Variants in RTEL1 observed in about 807,000 individuals in gnomAD.
RTEL1 encodes regulator of telomere length.
A neutral mutation model predicts 162.2 loss-of-function variants in RTEL1; 86 were observed. The ratio of observed to expected loss-of-function variants is 0.53; its 90% confidence interval spans 0.45 to 0.63. The LOEUF (loss-of-function observed/expected upper bound fraction) is 0.63. RTEL1 is among the 30% of genes least tolerant of loss of function. The pLI is 0.00. For synonymous variants in RTEL1, 958 were observed against 717.9 expected, an observed-to-expected ratio of 1.33 and a Z score of -5.35; for missense variants, 1,941 against 1,750.2, an observed-to-expected ratio of 1.11 and a Z score of -1.95.
intron 14 of RTEL1, among the ~76,000 whole-genome samples, chr20:63,683,052 C>T (rs1172365280): frequency 6.6e-6 from 1 of 152,194 alleles, no homozygotes; most frequent in Non-Finnish European, 1.5e-5. Context: ...CAGCCTCAAC[C>T]TCCTGGGCCC....
At chr20:63,676,802 GT>G (rs2090360014) in intron 10 of RTEL1, among the ~76,000 whole-genome samples, 1 of 152,126 alleles carries the variant, frequency 6.6e-6, no homozygotes, top group Non-Finnish European at 1.5e-5. Flanking sequence ...AGGTGTGGTG[GT>G]GCATGCTTGT....
At chr20:63,674,228 T>C (rs2090304854) in intron 10 of RTEL1, 135 bp downstream of exon 10, 1 of 1,435,412 alleles carries the variant, frequency 7.0e-7, no homozygotes, top group South Asian at 1.5e-5. Context: ...CCCGTGCTAC[T>C]GCAGTGGGCA....
At chr20:63,678,934 A>G (rs1450404138) in intron 12 of RTEL1, among the ~76,000 whole-genome samples, 1 of 152,060 alleles carries the variant, frequency 6.6e-6, no homozygotes, top group Non-Finnish European at 1.5e-5. Context: ...ACACTCTCCC[A>G]CGCGGGGCCG....
At position 63,693,228 on chromosome 20, in the gene RTEL1, G is replaced by T; in HGVS notation, c.2937G>T (p.Arg979=). 6.2e-7 allele frequency: 1 copy of T among 1,612,098 alleles called. No homozygotes were observed. The highest frequency in any genetic ancestry group is 1.7e-4 in the Middle Eastern group (1 of 6,056). The change falls in exon 30 of 35, where the codon CGG becomes CGT. Residue 979 remains arginine, a synonymous_variant. Coordinates refer to ENST00000360203, the MANE Select transcript of RTEL1 (RefSeq NM_001283009.2). ...IQLTGRGCGY[R]PEHSIPRRQR... is the part of the protein sequence containing the mutation. ...TGACAGGACGAGGCTGTGGCTATCGGCCTGAGCACAGCATTCCCCGAAGGC... is the reference window on the plus strand; with the variant it reads ...TGACAGGACGAGGCTGTGGCTATCGTCCTGAGCACAGCATTCCCCGAAGGC...
rs757731065 is a variant in RTEL1, at chr20:63,659,517, C to T, written c.102+13C>T. On this transcript the variant is annotated intron_variant, in intron 2 of 34. Coordinates refer to ENST00000360203, the MANE Select transcript of RTEL1 (RefSeq NM_001283009.2). ...ATGTCTGCAGCAGGTAGAGCACAGG[C>T]CCCGAGGAAAGGACTGCGGGTGGGT... 1.9e-6 allele frequency: 3 copies of T among 1,597,782 alleles called. No individual in the cohort carries two copies. Among genetic ancestry groups the T allele is most frequent in the African/African-American group, 1.3e-5 (1 of 74,724 alleles).
chr20:63,671,750 G>A (rs1438162471), intron 8 of RTEL1, among the ~76,000 whole-genome samples: 2 of 145,124 alleles, frequency 1.4e-5, no homozygotes, highest in African/African-American at 2.5e-5. Context: ...CTCGGCCTCC[G>A]AAAGTGCTGG....
In RTEL1 at chr20:63,694,852, C is replaced by T. The variant is rs370571374; in HGVS notation, c.3221C>T (p.Ala1074Val). ...LADARRALGS[A>V]GCSQLLAALT... ...GATGCCCGCAGGGCCCTGGGGTCCG[C>T]GGGCTGTAGCCAACTCTTGGCAGCG... The change falls in exon 32 of 35, where the codon GCG (alanine) becomes GTG (valine). Residue 1074 changes from alanine (A) to valine (V), a missense_variant. Coordinates refer to ENST00000360203, the MANE Select transcript of RTEL1 (RefSeq NM_001283009.2). 133 of 1,612,608 alleles carry T rather than the reference C, an allele frequency of 8.2e-5. 1 individual carries two copies. Among genetic ancestry groups the T allele is most frequent in the East Asian group, 1.8e-4 (8 of 44,880 alleles).
rs567422947 is a variant in RTEL1 at position 63,692,774 on chromosome 20, C to T, written c.2653-31C>T. The T allele has an allele frequency of 6.3e-4, 1,007 of 1,597,130 alleles. 20 individuals are homozygous for T. In the South Asian group the frequency reaches 0.011, roughly 17 times the overall value. The stretch of plus-strand genomic sequence containing the variant: ...CCAGGGACCAGATGATGAGGCTGGC[C>T]CTGATGGAGCCTCGGGCCTGTGTCC... On this transcript the variant is annotated intron_variant, in intron 28 of 34. Coordinates refer to ENST00000360203, the MANE Select transcript of RTEL1 (RefSeq NM_001283009.2).
chr20:63,691,897 G>T, intron 28 of RTEL1, 60 bp downstream of exon 28: 2 of 1,419,000 alleles, frequency 1.4e-6, no homozygotes, highest in Non-Finnish European at 9.8e-7. Flanking sequence ...GAACGCAGCC[G>T]TGGGTGCCCC....
rs1333097431 is a variant in RTEL1 at position 63,685,568 on chromosome 20, G to A, written c.1237G>A (p.Ala413Thr). The change falls in exon 15 of 35, where the codon GCA (alanine) becomes ACA (threonine). Residue 413 changes from alanine to threonine, a missense_variant. By Grantham distance (58) the Ala-to-Thr change is moderately conservative. Transcript: ENST00000360203. Reference sequence around the variant, plus strand: ...CTCCGAGGGCAGCCCTGGTTCCCCAGCAGGGCTGGGGGCCTTACAGTCCTA... The same window carrying A: ...CTCCGAGGGCAGCCCTGGTTCCCCAACAGGGCTGGGGGCCTTACAGTCCTA... ...DPSEGSPGSP[A>T]GLGALQSYKV... The A allele has an allele frequency of 6.2e-7, 1 of 1,612,430 alleles. No individual in the cohort carries two copies. Among genetic ancestry groups the A allele is most frequent in the Non-Finnish European group, 8.5e-7 (1 of 1,179,800 alleles).
Position 63,667,060 on chromosome 20 carries a change from C to T in RTEL1, c.615-409C>T, listed in dbSNP as rs552374163. ...TTCACCGTGTTAGCCAGGATGGTCT[C>T]GATCTTCTGACCTTGTGATCCGCCC... On this transcript the variant is annotated intron_variant, in intron 7 of 34. Transcript: ENST00000360203. Among the ~76,000 whole-genome samples the T allele has an allele frequency of 6.2e-3, 929 of 149,678 alleles. 1 individual carries two copies. Among genetic ancestry groups the T allele is most frequent in the Middle Eastern group, 0.018 (5 of 276 alleles).
At chr20:63,681,012 C>T (rs2090467454) in intron 14 of RTEL1, 1 of 985,296 alleles carries the variant, frequency 1.0e-6, no homozygotes, top group South Asian at 4.7e-5. Flanking sequence ...TCCGGGCCCT[C>T]AGGCCAGGGG....
chr20:63,691,924 C>A, intron 28 of RTEL1, 87 bp downstream of exon 28: 1 of 1,049,894 alleles, frequency 9.5e-7, no homozygotes, highest in South Asian at 1.3e-5. Context: ...CGGCTGGTCC[C>A]GATGGGACCA....
intron 9 of RTEL1, among the ~76,000 whole-genome samples, chr20:63,673,237 C>CA (rs576884216): frequency 4.6e-4 from 69 of 151,592 alleles, no homozygotes; most frequent in African/African-American, 1.6e-3. Flanking sequence ...ACTAAAAATA[C>CA]AAAAAAATTA....
intron 10 of RTEL1, among the ~76,000 whole-genome samples, chr20:63,675,666 A>G (rs1273243951): frequency 6.6e-6 from 1 of 152,180 alleles, no homozygotes; most frequent in Admixed American, 6.5e-5. Flanking sequence ...GGTGTGCACC[A>G]CTGCCACCGG....
At chr20:63,693,633 ACCACCACCACCT>A (rs2090871594) in intron 30 of RTEL1, among the ~76,000 whole-genome samples, 17 of 49,270 alleles carry the variant, frequency 3.5e-4, no homozygotes, top group East Asian at 1.2e-3. Context: ...CACCACCTCC[ACCACCACCACCT>A]CCACCTCCAC....
chr20:63,681,314 G>A (rs1300439104), intron 14 of RTEL1: 1 of 985,238 alleles, frequency 1.0e-6, no homozygotes, highest in African/African-American at 1.7e-5. Flanking sequence ...TGGAGGGCAC[G>A]CCCCATTTTG....
At chr20:63,667,320 C>T (rs7261546) in intron 7 of RTEL1, 149 bp from the exon 8 acceptor site, 6 of 686,502 alleles carry the variant, frequency 8.7e-6, no homozygotes, top group East Asian at 7.7e-5. Context: ...CAGAAACTCA[C>T]GTGGACTCCC....
Position 63,690,942 on chromosome 20 carries a change from G to A in RTEL1, c.2551G>A (p.Glu851Lys), listed in dbSNP as rs1215899054. The change falls in exon 27 of 35, where the codon GAG becomes AAG. Residue 851 changes from glutamate to lysine, a missense_variant. Transcript: ENST00000360203. Reference sequence around the variant, plus strand: ...ACAGCGGGCGGGGAGCCCTGGCGAGGAGCAGGTACAGTTCCAGGGCCTTGG... The same window carrying A: ...ACAGCGGGCGGGGAGCCCTGGCGAGAAGCAGGTACAGTTCCAGGGCCTTGG... ...SEQRAGSPGE[E>K]QAHSCSTLSL... 3.9e-6 allele frequency: 6 copies of A among 1,549,594 alleles called. No individual in the cohort carries two copies. The highest frequency in any genetic ancestry group is 5.2e-6 in the Non-Finnish European group (6 of 1,147,310).
Sources: gnomAD v4.1 joint callset for allele counts (sites outside exome capture counted in the v4.1 genomes callset) on GRCh38, gnomAD v4.1.1 for gene constraint, MANE v1.5 for transcripts, NCBI Gene and HGNC (gene_info 2026-07-23, HGNC 2026-07-21) for gene names.